NETO1: variants seen among roughly 807,000 people sequenced by gnomAD.
NETO1 encodes neuropilin and tolloid like 1.
A neutral mutation model predicts 61.3 loss-of-function variants in NETO1; 26 were observed. That is an observed-to-expected ratio of 0.42 (90% confidence interval 0.31 to 0.59). NETO1 has a LOEUF of 0.59. Ranked by LOEUF, NETO1 falls within the 20% of genes least tolerant of loss-of-function variation. NETO1 has a pLI of 0.12. For missense variants in NETO1, 531 were observed against 662.8 expected (o/e 0.80, Z 2.18); for synonymous variants, 225 against 225.8 (o/e 1.00, Z 0.03).
intron 4 of NETO1, among the ~76,000 whole-genome samples, chr18:72,833,408 C>T (rs1007428988): frequency 2.6e-5 from 4 of 152,082 alleles, no homozygotes; most frequent in Non-Finnish European, 4.4e-5. Flanking sequence ...TCCAGTATGA[C>T]CCCAAATGCT....
At chr18:72,757,972 T>C (rs139691078) in intron 7 of NETO1, among the ~76,000 whole-genome samples, 1,699 of 152,260 alleles carry the variant, frequency 0.011, 34 homozygotes, top group African/African-American at 0.038. Context: ...TAATTACCCA[T>C]CAAGTAGGAA....
rs2070424473 is a variant in NETO1, at chr18:72,746,045, C to T, written c.*2134G>A. 3 of 151,882 alleles carry T rather than the reference C, an allele frequency of 2.0e-5. No homozygotes were observed. The highest frequency in any genetic ancestry group is 2.0e-4 in the Admixed American group (3 of 15,234). 9.4% of individuals were successfully genotyped at this position (151,882 alleles called of 1,614,324 possible). ...CATTGGTAGATTTCTGGTGAAAATA[C>T]CTTTTAAGCAGGGAATCAGCATTCT... On this transcript the variant is annotated 3_prime_UTR_variant, in exon 11 of 11. Transcript: ENST00000327305.
chr18:72,848,590 G>T (rs187723786), intron 4 of NETO1, among the ~76,000 whole-genome samples: 1 of 152,240 alleles, frequency 6.6e-6, no homozygotes, highest in East Asian at 1.9e-4. Flanking sequence ...AAGAAAGAAA[G>T]AAATTCACCA....
chr18:72,855,700 A>C (rs896619422), intron 4 of NETO1, among the ~76,000 whole-genome samples: 1 of 152,188 alleles, frequency 6.6e-6, no homozygotes, highest in African/African-American at 2.4e-5. Context: ...GATACAAAGA[A>C]ATAGAAAAAA....
At chr18:72,749,119 A>G (rs747033354) in intron 9 of NETO1, 31 bp from the exon 10 acceptor site, 1 of 1,303,980 alleles carries the variant, frequency 7.7e-7, no homozygotes, top group Non-Finnish European at 1.1e-6. Context: ...CATTCAACAA[A>G]GTACTATTTG....
intron 4 of NETO1, among the ~76,000 whole-genome samples, chr18:72,807,259 GTA>G (rs2072704641): frequency 6.6e-6 from 1 of 152,124 alleles, no homozygotes; most frequent in African/African-American, 2.4e-5. Context: ...TGGGCACAGA[GTA>G]TATATAACCT....
At chr18:72,813,247 C>T (rs573641449) in intron 4 of NETO1, among the ~76,000 whole-genome samples, 5 of 152,264 alleles carry the variant, frequency 3.3e-5, no homozygotes, top group Admixed American at 6.5e-5. Flanking sequence ...ACGTAAGACC[C>T]GGATTATCCA....
chr18:72,765,669 G>A (rs1469494972), intron 7 of NETO1, among the ~76,000 whole-genome samples: 1 of 152,024 alleles, frequency 6.6e-6, no homozygotes, highest in Non-Finnish European at 1.5e-5. Flanking sequence ...CACCCACCTT[G>A]GCCTCCCAAA....
intron 4 of NETO1, among the ~76,000 whole-genome samples, chr18:72,808,646 A>G (rs1163742635): frequency 6.6e-6 from 1 of 152,256 alleles, no homozygotes; most frequent in Non-Finnish European, 1.5e-5. Context: ...TGTGTGTTAC[A>G]GCCACATAAA....
chr18:72,804,416 G>A (rs1379340357), intron 4 of NETO1, among the ~76,000 whole-genome samples: 1 of 152,088 alleles, frequency 6.6e-6, no homozygotes, highest in Admixed American at 6.6e-5. Flanking sequence ...GAACTTTCTG[G>A]AAACTACTGT....
rs1458834611 is a variant in NETO1 at position 72,867,489 on chromosome 18, C to A, written c.-198G>T. 1.5e-5 allele frequency: 6 copies of A among 398,602 alleles called. No individual in the cohort carries two copies. Among genetic ancestry groups the A allele is most frequent in the Admixed American group, 1.3e-4 (3 of 22,570 alleles). The allele number at this position is 398,602 out of a possible 1,614,324, so 24.7% of individuals were successfully genotyped here. Reference sequence around the variant, plus strand: ...TGCAGCCAGATCCGGATGAGTCCGTCCTCCGCCCCGGGCGGGCTCTCGCTC... The same window carrying A: ...TGCAGCCAGATCCGGATGAGTCCGTACTCCGCCCCGGGCGGGCTCTCGCTC... On this transcript the variant is annotated 5_prime_UTR_variant, in exon 1 of 11. Coordinates refer to ENST00000327305, the MANE Select transcript of NETO1 (RefSeq NM_138966.5).
chr18:72,862,902 G>A lies in NETO1; in HGVS notation c.220+1906C>T, dbSNP rs1036660308. On this transcript the variant is annotated intron_variant, in intron 3 of 10. Coordinates refer to ENST00000327305, the MANE Select transcript of NETO1 (RefSeq NM_138966.5). The stretch of plus-strand genomic sequence containing the variant: ...CCTAAAGTGCTGGGATTACAGGTGT[G>A]AGCCACCACGTCTGGCGATCCAGTT... 2.1e-4 allele frequency among the ~76,000 whole-genome samples: 32 copies of A among 152,224 alleles called. 1 individual carries two copies. The highest frequency in any genetic ancestry group is 6.8e-3 in the Middle Eastern group (2 of 294).
Position 72,828,673 on chromosome 18 carries a change from T to C in NETO1, c.469+30153A>G, listed in dbSNP as rs115401156. On this transcript the variant is annotated intron_variant, in intron 4 of 10. Coordinates refer to ENST00000327305, the MANE Select transcript of NETO1 (RefSeq NM_138966.5). ...AAAGAAATAAACAAAAGGAAATCCA[T>C]ACCTAGACACATGGCAATAGAATTG... Among the ~76,000 whole-genome samples, 577 of 152,220 alleles carry C rather than the reference T, an allele frequency of 3.8e-3. 1 individual carries two copies. Among genetic ancestry groups the C allele is most frequent in the African/African-American group, 0.013 (551 of 41,534 alleles).
At chr18:72,791,055 G>T (rs564829390) in intron 6 of NETO1, among the ~76,000 whole-genome samples, 18 of 152,236 alleles carry the variant, frequency 1.2e-4, no homozygotes, top group Non-Finnish European at 1.5e-5. Context: ...TCCTGACTCA[G>T]TTTATTCATC....
At chr18:72,782,058 A>G (rs1404901443) in intron 7 of NETO1, among the ~76,000 whole-genome samples, 2 of 151,496 alleles carry the variant, frequency 1.3e-5, no homozygotes, top group Non-Finnish European at 2.9e-5. Context: ...GTCCATATGG[A>G]CTCAGTGTTT....
At chr18:72,860,686 G>C (rs1207715926) in intron 3 of NETO1, among the ~76,000 whole-genome samples, 1 of 151,212 alleles carries the variant, frequency 6.6e-6, no homozygotes, top group Non-Finnish European at 1.5e-5. Flanking sequence ...GAACAAATGA[G>C]TAACCACAAT....
intron 5 of NETO1, 42 bp downstream of exon 5, chr18:72,794,321 A>G: frequency 6.2e-7 from 1 of 1,613,312 alleles, no homozygotes; most frequent in East Asian, 2.2e-5. Flanking sequence ...CATAGCAGAA[A>G]ACAAAGTCTT....
chr18:72,750,163 G>A lies in NETO1; in HGVS notation c.1440C>T (p.His480=). ...CATCTGCAGCATCTTGCGAGTAGCT[G>A]TGTTTCATGACAAGGATATTTCTTC... The part of the protein sequence containing the change: ...MNRRNILVMK[H]SYSQDAADAC... The change falls in exon 9 of 11, where the codon CAC becomes CAT. Residue 480 remains histidine, a synonymous_variant. Coordinates refer to ENST00000327305, the MANE Select transcript of NETO1 (RefSeq NM_138966.5). The A allele has an allele frequency of 1.2e-6, 2 of 1,613,968 alleles. No homozygotes were observed. The highest frequency in any genetic ancestry group is 1.7e-6 in the Non-Finnish European group (2 of 1,179,946).
At chr18:72,766,461 G>A (rs1451090323) in intron 7 of NETO1, among the ~76,000 whole-genome samples, 1 of 151,934 alleles carries the variant, frequency 6.6e-6, no homozygotes, top group Admixed American at 6.6e-5. Flanking sequence ...TTGAAAAATG[G>A]TGACCAGACT....
Sources: gnomAD v4.1 joint callset for allele counts (sites outside exome capture counted in the v4.1 genomes callset) on GRCh38, gnomAD v4.1.1 for gene constraint, MANE v1.5 for transcripts, NCBI Gene and HGNC (gene_info 2026-07-23, HGNC 2026-07-21) for gene names.